Variants in VPS8 observed in about 807,000 individuals in gnomAD.
VPS8 encodes the protein vacuolar protein sorting-associated protein 8 homolog.
Under a neutral mutation model 216.4 loss-of-function variants are expected in VPS8, and 129 were observed. The ratio of observed to expected loss-of-function variants is 0.60; its 90% CI spans 0.52 to 0.69. The LOEUF is 0.69. Among genes scored for constraint, VPS8 ranks in the 30% least tolerant of loss-of-function variants. VPS8 has a pLI of 0.00. For missense variants in VPS8, 1,531 were observed against 1,683.5 expected (o/e 0.91, Z 1.59); for synonymous variants, 571 against 565.4 (o/e 1.01, Z -0.14).
intron 45 of VPS8, among the ~76,000 whole-genome samples, chr3:185,010,526 C>A (rs768778699): frequency 2.6e-5 from 4 of 151,832 alleles, no homozygotes; most frequent in Non-Finnish European, 4.4e-5. Flanking sequence ...TTGAATACGT[C>A]AAATGGAAAT....
intron 37 of VPS8, among the ~76,000 whole-genome samples, chr3:184,962,142 T>A (rs1295333081): frequency 6.6e-6 from 1 of 152,282 alleles, no homozygotes. Flanking sequence ...ATCTATCAAA[T>A]GAATGTGCCA....
At chr3:185,014,764 GA>G (rs1401965166) in intron 45 of VPS8, among the ~76,000 whole-genome samples, 1 of 152,130 alleles carries the variant, frequency 6.6e-6, no homozygotes, top group African/African-American at 2.4e-5. Context: ...GTTTGTCCTT[GA>G]AAATTACATG....
chr3:184,941,732 T>C (rs1742737071), intron 36 of VPS8, among the ~76,000 whole-genome samples: 1 of 152,102 alleles, frequency 6.6e-6, no homozygotes, highest in Non-Finnish European at 1.5e-5. Context: ...TTTCCCAGTG[T>C]TAGATCCATT....
chr3:184,918,844 C>G (rs1184272312), intron 28 of VPS8, among the ~76,000 whole-genome samples: 5 of 152,052 alleles, frequency 3.3e-5, no homozygotes, highest in African/African-American at 1.2e-4. Flanking sequence ...TCTCATGAAT[C>G]CGAAGATAGA....
intron 40 of VPS8, 31 bp from the exon 41 acceptor site, chr3:184,982,535 T>G: frequency 6.5e-7 from 1 of 1,538,072 alleles, no homozygotes; most frequent in South Asian, 1.2e-5. Flanking sequence ...TGACCACTTT[T>G]CTTTTTCTTT....
At chr3:184,946,929 G>A (rs1743785227) in intron 36 of VPS8, among the ~76,000 whole-genome samples, 1 of 152,062 alleles carries the variant, frequency 6.6e-6, no homozygotes, top group South Asian at 2.1e-4. Context: ...GCTTATTAAT[G>A]TGTGATGTAC....
chr3:184,859,404 C>G (rs1270382055), intron 14 of VPS8, among the ~76,000 whole-genome samples: 5 of 152,162 alleles, frequency 3.3e-5, no homozygotes, highest in Admixed American at 3.3e-4. Flanking sequence ...CTTTGGGGCT[C>G]TTTTCAAACT....
chr3:185,038,132 TA>T (rs1331833671), intron 46 of VPS8, among the ~76,000 whole-genome samples: 6 of 152,368 alleles, frequency 3.9e-5, no homozygotes, highest in African/African-American at 1.2e-4. Context: ...GGTGACTGGC[TA>T]GATGAATTTA....
In VPS8 at chr3:184,849,130, G is replaced by T. The variant is rs1217462912; in HGVS notation, c.601G>T (p.Ala201Ser). The T allele has an allele frequency of 6.2e-7, 1 of 1,613,422 alleles. No individual in the cohort carries two copies. Among genetic ancestry groups the T allele is most frequent in the Non-Finnish European group, 8.5e-7 (1 of 1,179,536 alleles). ...CACTAGTGTTGGAGGTCAGTATGGC[G>T]CTATCTCTGCCCTCAGTATCAACAA... ...GSTSVGGQYGAISALSINNDC... is the reference protein window; with the variant it reads ...GSTSVGGQYGSISALSINNDC... Residue 201 changes from alanine (A) to serine (S), a missense_variant, in exon 9 of 48, where the codon GCT (alanine) becomes TCT (serine). By Grantham distance (99) the Ala-to-Ser change is moderately conservative. Around this residue, in one of 3 missense-constraint regions of VPS8, gnomAD observed 1,318 missense variants for 1,468.4 expected, o/e 0.90. Transcript: ENST00000625842.
At chr3:184,867,674 T>G (rs1277767394) in intron 17 of VPS8, among the ~76,000 whole-genome samples, 2 of 152,090 alleles carry the variant, frequency 1.3e-5, no homozygotes, top group East Asian at 3.9e-4. Flanking sequence ...GGCAAAACCT[T>G]GTCTCTAGTA....
chr3:185,036,025 CAA>C (rs1650355352), intron 46 of VPS8, among the ~76,000 whole-genome samples: 1 of 152,022 alleles, frequency 6.6e-6, no homozygotes, highest in African/African-American at 2.4e-5. Flanking sequence ...TAAAACAAAA[CAA>C]AACAAAATGA....
intron 45 of VPS8, among the ~76,000 whole-genome samples, chr3:185,017,017 T>A (rs368532447): frequency 6.6e-6 from 1 of 151,948 alleles, no homozygotes; most frequent in African/African-American, 2.4e-5. Flanking sequence ...TTTCCTAGTC[T>A]CATACCAAGG....
chr3:184,832,392 T>C (rs1048282087), intron 3 of VPS8, among the ~76,000 whole-genome samples: 2 of 152,222 alleles, frequency 1.3e-5, no homozygotes, highest in African/African-American at 4.8e-5. Flanking sequence ...CTAAATCATC[T>C]GTAAAAGCTT....
At chr3:184,885,908 G>A (rs1731131619) in intron 21 of VPS8, 2 of 506,218 alleles carry the variant, frequency 4.0e-6, no homozygotes, top group East Asian at 3.0e-5. Flanking sequence ...CATATTTAGG[G>A]TACATTTCCA....
intron 8 of VPS8, among the ~76,000 whole-genome samples, chr3:184,844,808 T>G (rs1163981702): frequency 6.6e-6 from 1 of 152,246 alleles, no homozygotes; most frequent in Non-Finnish European, 1.5e-5. Flanking sequence ...ATGTGTTGTT[T>G]GTGATATTTG....
intron 8 of VPS8, among the ~76,000 whole-genome samples, chr3:184,844,564 G>C (rs1182270050): frequency 1.3e-5 from 2 of 152,204 alleles, no homozygotes; most frequent in African/African-American, 4.8e-5. Flanking sequence ...TTGAGAAATA[G>C]AGGATTGGGC....
chr3:185,041,642 C>A (rs1711647539), intron 46 of VPS8, among the ~76,000 whole-genome samples: 1 of 152,222 alleles, frequency 6.6e-6, no homozygotes, highest in Admixed American at 6.5e-5. Context: ...GACAGAGCCA[C>A]TAGCAGCCTG....
chr3:184,826,697 GGTTAA>G (rs1438174671), intron 3 of VPS8, among the ~76,000 whole-genome samples: 2 of 152,342 alleles, frequency 1.3e-5, no homozygotes, highest in South Asian at 2.1e-4. Context: ...TGTTGCTAAT[GGTTAA>G]GTTGTCTCTA....
intron 25 of VPS8, among the ~76,000 whole-genome samples, chr3:184,902,637 C>T (rs887813932): frequency 6.6e-6 from 1 of 151,446 alleles, no homozygotes; most frequent in Non-Finnish European, 1.5e-5. Context: ...CGAGACCAGC[C>T]TGGCCAACAT....
Sources: gnomAD v4.1 joint callset for allele counts (sites outside exome capture counted in the v4.1 genomes callset) on GRCh38, gnomAD v4.1.1 for gene constraint, gnomAD v4.1.1 regional missense constraint, MANE v1.5 for transcripts, NCBI Gene and HGNC (gene_info 2026-07-23, HGNC 2026-07-21) for gene names.